ADARB2: variants seen among roughly 807,000 people sequenced by gnomAD.
ADARB2 encodes inactive double-stranded RNA-specific editase B2.
Under a neutral mutation model 62.2 loss-of-function variants are expected in ADARB2, and 25 were observed. The ratio of observed to expected loss-of-function variants is 0.40; its 90% CI spans 0.29 to 0.56. The LOEUF is 0.56. ADARB2 is among the 20% of genes least tolerant of loss of function. The pLI is 0.43. For synonymous variants in ADARB2, 572 were observed against 500.8 expected, an observed-to-expected ratio of 1.14 and a Z score of -1.90; for missense variants, 1,071 against 1,077.4, an observed-to-expected ratio of 0.99 and a Z score of 0.08.
chr10:1,311,752 T>C (rs1031504830), intron 3 of ADARB2, among the ~76,000 whole-genome samples: 33 of 152,230 alleles, frequency 2.2e-4, no homozygotes, highest in Non-Finnish European at 2.6e-4. Context: ...CACTGCTACC[T>C]GGATGCTTGT....
chr10:1,649,095 G>A (rs757178365), intron 1 of ADARB2, among the ~76,000 whole-genome samples: 4 of 152,180 alleles, frequency 2.6e-5, no homozygotes, highest in Non-Finnish European at 5.9e-5. Context: ...GGGGTACCCG[G>A]GGTGCACAGG....
chr10:1,496,714 C>A (rs1261947217), intron 1 of ADARB2, among the ~76,000 whole-genome samples: 2 of 152,112 alleles, frequency 1.3e-5, no homozygotes, highest in Non-Finnish European at 2.9e-5. Context: ...CCATTGTCAT[C>A]ATCACCATAA....
chr10:1,695,930 G>T (rs1022279416), intron 1 of ADARB2, among the ~76,000 whole-genome samples: 9 of 152,074 alleles, frequency 5.9e-5, no homozygotes, highest in Non-Finnish European at 2.9e-5. Context: ...GTGAAAGTGT[G>T]CATATGTGTA....
At chr10:1,452,649 T>C (rs990313667) in intron 1 of ADARB2, among the ~76,000 whole-genome samples, 1 of 4,338 alleles carries the variant, frequency 2.3e-4, no homozygotes. Context: ...TGGGGCCTGT[T>C]GGGGGGTTGG....
chr10:1,506,721 C>A (rs1253541606), intron 1 of ADARB2, among the ~76,000 whole-genome samples: 1 of 152,208 alleles, frequency 6.6e-6, no homozygotes, highest in Non-Finnish European at 1.5e-5. Flanking sequence ...GCTATAAGTA[C>A]CCGCTGTGGA....
intron 1 of ADARB2, among the ~76,000 whole-genome samples, chr10:1,486,899 A>G (rs1050977263): frequency 3.9e-5 from 6 of 152,270 alleles, no homozygotes; most frequent in Non-Finnish European, 8.8e-5. Context: ...GATGAAGTAC[A>G]TGTAACTGGT....
At position 1,612,279 on chromosome 10, in the gene ADARB2, G is replaced by A. The variant is rs573595105; in HGVS notation, c.100+124772C>T. ...ATCTGCCCTGCAGGAGGGAATGGGC[G>A]TGTTCCTCAAATAGAACACGGGAAG... On this transcript the variant is annotated intron_variant, in intron 1 of 9. Transcript: ENST00000381312. Among the ~76,000 whole-genome samples the A allele has an allele frequency of 2.1e-3, 325 of 152,246 alleles. 1 individual carries two copies. Among genetic ancestry groups the A allele is most frequent in the South Asian group, 3.9e-3 (19 of 4,822 alleles).
At chr10:1,517,557 C>G (rs1832021166) in intron 1 of ADARB2, among the ~76,000 whole-genome samples, 1 of 152,162 alleles carries the variant, frequency 6.6e-6, no homozygotes, top group Non-Finnish European at 1.5e-5. Flanking sequence ...TTTCCTCTTT[C>G]CTTTTCTTAT....
intron 1 of ADARB2, among the ~76,000 whole-genome samples, chr10:1,663,620 A>ATTTTTTTT (rs55695844): frequency 6.7e-6 from 1 of 148,368 alleles, no homozygotes. Flanking sequence ...TGACAAATGA[A>ATTTTTTTT]TTTTTTTTTT....
chr10:1,495,727 C>T (rs1014052499), intron 1 of ADARB2, among the ~76,000 whole-genome samples: 1 of 152,024 alleles, frequency 6.6e-6, no homozygotes, highest in African/African-American at 2.4e-5. Context: ...TCATCACCAT[C>T]ATCATAGTCA....
At chr10:1,558,647 CCGTGGGTGCT>C (rs1564330166) in intron 1 of ADARB2, among the ~76,000 whole-genome samples, 3,409 of 137,280 alleles carry the variant, frequency 0.025, 513 homozygotes, top group Non-Finnish European at 0.026. Context: ...CTGCCCCCCT[CCGTGGGTGCT>C]CAGCACCCCC....
At chr10:1,629,260 A>T (rs1229255262) in intron 1 of ADARB2, among the ~76,000 whole-genome samples, 1 of 152,176 alleles carries the variant, frequency 6.6e-6, no homozygotes, top group Non-Finnish European at 1.5e-5. Flanking sequence ...GTGATGAGCC[A>T]GGGCACAGTT....
At chr10:1,250,973 T>C (rs574271208) in intron 4 of ADARB2, among the ~76,000 whole-genome samples, 7 of 152,252 alleles carry the variant, frequency 4.6e-5, no homozygotes, top group African/African-American at 1.7e-4. Flanking sequence ...GGTAATCACA[T>C]CTCAAACCAC....
intron 1 of ADARB2, among the ~76,000 whole-genome samples, chr10:1,657,032 G>A (rs1327358352): frequency 5.8e-5 from 8 of 139,016 alleles, no homozygotes; most frequent in African/African-American, 2.1e-4. Context: ...TGTGTGTGGT[G>A]TTTAACAAAA....
intron 1 of ADARB2, among the ~76,000 whole-genome samples, chr10:1,389,698 G>A (rs1197847669): frequency 1.3e-5 from 2 of 151,760 alleles, no homozygotes; most frequent in Admixed American, 6.6e-5. Context: ...AGCTGAGATC[G>A]TGCCACCGCA....
intron 3 of ADARB2, among the ~76,000 whole-genome samples, chr10:1,271,463 T>A (rs1831261999): frequency 6.6e-6 from 1 of 152,122 alleles, no homozygotes; most frequent in Admixed American, 6.5e-5. Flanking sequence ...CCAGAGCCAG[T>A]GTCTACACAG....
At chr10:1,636,325 T>C (rs961528650) in intron 1 of ADARB2, among the ~76,000 whole-genome samples, 2 of 152,270 alleles carry the variant, frequency 1.3e-5, no homozygotes, top group African/African-American at 4.8e-5. Context: ...GAGACCAGCC[T>C]GGGCTACAAA....
chr10:1,726,086 T>C (rs2119039711), intron 1 of ADARB2, among the ~76,000 whole-genome samples: 1 of 152,364 alleles, frequency 6.6e-6, no homozygotes, highest in African/African-American at 2.4e-5. Flanking sequence ...CTAAATACTA[T>C]TACGGGTAAG....
At chr10:1,735,028 C>T (rs1471969861) in intron 1 of ADARB2, among the ~76,000 whole-genome samples, 4 of 152,184 alleles carry the variant, frequency 2.6e-5, no homozygotes, top group African/African-American at 9.7e-5. Flanking sequence ...GTTACATCTA[C>T]ATGGTTAACG....
Sources: allele counts gnomAD v4.1 joint callset (sites outside exome capture counted in the v4.1 genomes callset), GRCh38; gene constraint gnomAD v4.1.1; transcripts MANE v1.5; gene names NCBI Gene and HGNC (gene_info 2026-07-23, HGNC 2026-07-21).